The following MACROD2 variants were observed in gnomAD, a reference collection of about 807,000 sequenced individuals.
MACROD2 encodes mono-ADP ribosylhydrolase 2.
Under a neutral mutation model 70.4 loss-of-function variants are expected in MACROD2, and 36 were observed. The observed-to-expected ratio is 0.51, with a 90% confidence interval of 0.39 to 0.68. MACROD2 has a LOEUF of 0.68. MACROD2 is among the 30% of genes least tolerant of loss of function. MACROD2 has a pLI of 0.00. For synonymous variants in MACROD2, 172 were observed against 178.8 expected (o/e 0.96, Z 0.30); for missense variants, 496 against 538.4 (o/e 0.92, Z 0.78).
At chr20:15,533,815 G>A (rs1317623049) in intron 8 of MACROD2, among the ~76,000 whole-genome samples, 2 of 152,158 alleles carry the variant, frequency 1.3e-5, no homozygotes, top group African/African-American at 4.8e-5. Flanking sequence ...CTGGGAGGTA[G>A]GGTGGAGTGG....
At chr20:15,077,301 C>G (rs978377341) in intron 5 of MACROD2, among the ~76,000 whole-genome samples, 6 of 152,102 alleles carry the variant, frequency 3.9e-5, no homozygotes, top group African/African-American at 1.2e-4. Flanking sequence ...ATAATGTAAG[C>G]TGAATGTCCA....
At chr20:14,398,308 T>G (rs1015557171) in intron 3 of MACROD2, among the ~76,000 whole-genome samples, 1 of 152,160 alleles carries the variant, frequency 6.6e-6, no homozygotes, top group Non-Finnish European at 1.5e-5. Context: ...ATTTTTAGTT[T>G]TTTGAGAGAT....
intron 3 of MACROD2, among the ~76,000 whole-genome samples, chr20:14,313,766 A>C (rs1568550423): frequency 6.6e-6 from 1 of 152,222 alleles, no homozygotes; most frequent in Non-Finnish European, 1.5e-5. Context: ...TTGATAGACT[A>C]TGAAATAAGA....
At chr20:14,573,344 G>T (rs1230786424) in intron 4 of MACROD2, among the ~76,000 whole-genome samples, 2 of 152,060 alleles carry the variant, frequency 1.3e-5, no homozygotes, top group Non-Finnish European at 2.9e-5. Context: ...ATTGATTGTG[G>T]TATGCCAAGT....
At chr20:15,305,324 C>A (rs2077687173) in intron 6 of MACROD2, among the ~76,000 whole-genome samples, 1 of 151,984 alleles carries the variant, frequency 6.6e-6, no homozygotes, top group African/African-American at 2.4e-5. Flanking sequence ...CTTACACTGT[C>A]CTCTTTTTCC....
Position 14,785,162 on chromosome 20 carries a change from T to C in MACROD2, c.418+100203T>C, listed in dbSNP as rs537983636. ...TCTGTCTCTCCCTGTCAGTCTCTCA[T>C]GAACACACACAAACACACACACACC... is the stretch of plus-strand genomic sequence containing the variant. On this transcript the variant is annotated intron_variant, in intron 5 of 17. Coordinates refer to ENST00000684519, the MANE Select transcript of MACROD2 (RefSeq NM_001351661.2). Among the ~76,000 whole-genome samples the C allele has an allele frequency of 1.1e-4, 17 of 151,678 alleles. 2 individuals carry two copies. In the South Asian group the frequency reaches 1.7e-3, roughly 15 times the overall value.
intron 5 of MACROD2, among the ~76,000 whole-genome samples, chr20:14,751,232 G>A (rs983627752): frequency 4.0e-5 from 6 of 151,826 alleles, no homozygotes; most frequent in Non-Finnish European, 7.4e-5. Flanking sequence ...CATCCTTAAT[G>A]TGAAATCCCA....
chr20:15,360,027 A>T (rs79647031), intron 6 of MACROD2, among the ~76,000 whole-genome samples: 10,742 of 152,052 alleles, frequency 0.071, 443 homozygotes, highest in South Asian at 0.13. Flanking sequence ...CATCTCTAAC[A>T]CCTGACAATC....
At chr20:15,556,845 G>A (rs1481100361) in intron 8 of MACROD2, among the ~76,000 whole-genome samples, 1 of 152,204 alleles carries the variant, frequency 6.6e-6, no homozygotes, top group Non-Finnish European at 1.5e-5. Context: ...TTGCTACAGT[G>A]AACTTGAATC....
chr20:15,868,758 A>G (rs1036333366), intron 9 of MACROD2, among the ~76,000 whole-genome samples: 1 of 152,064 alleles, frequency 6.6e-6, no homozygotes, highest in African/African-American at 2.4e-5. Flanking sequence ...TGACTGAAAA[A>G]ACTACCAACT....
intron 12 of MACROD2, among the ~76,000 whole-genome samples, chr20:15,955,160 AAG>A (rs749585132): frequency 6.6e-6 from 1 of 152,114 alleles, no homozygotes; most frequent in Non-Finnish European, 1.5e-5. Context: ...AGTTGGGAAA[AAG>A]AGCATCTTTG....
chr20:15,713,536 GGAGA>G (rs34377128), intron 8 of MACROD2, among the ~76,000 whole-genome samples: 20 of 150,358 alleles, frequency 1.3e-4, no homozygotes, highest in Non-Finnish European at 2.8e-4. Context: ...CTCGATGGCA[GGAGA>G]GAGAGAGAGA....
chr20:14,009,307 C>A (rs1388774944), intron 2 of MACROD2, among the ~76,000 whole-genome samples: 1 of 152,138 alleles, frequency 6.6e-6, no homozygotes, highest in Non-Finnish European at 1.5e-5. Context: ...AGGACATGAA[C>A]AGGCACTTCT....
At chr20:15,353,347 T>C (rs961479622) in intron 6 of MACROD2, among the ~76,000 whole-genome samples, 12 of 152,158 alleles carry the variant, frequency 7.9e-5, no homozygotes, top group Non-Finnish European at 1.8e-4. Context: ...TATACAAAAA[T>C]TAATTCCAGA....
chr20:14,443,513 T>A lies in MACROD2; in HGVS notation c.272-49966T>A, dbSNP rs1260852070. Among the ~76,000 whole-genome samples the A allele has an allele frequency of 2.6e-5, 4 of 152,104 alleles. No individual in the cohort carries two copies. In the East Asian group the frequency reaches 7.7e-4, roughly 29 times the overall value. On this transcript the variant is annotated intron_variant, in intron 3 of 17. Coordinates refer to ENST00000684519, the MANE Select transcript of MACROD2 (RefSeq NM_001351661.2). ...GTTTTCACTATGTTGGTCAGGCTGG[T>A]CTTGAACTCCCTACCTCAGGTGATC...
intron 8 of MACROD2, among the ~76,000 whole-genome samples, chr20:15,797,275 G>A (rs149233693): frequency 4.4e-4 from 67 of 152,126 alleles, no homozygotes; most frequent in African/African-American, 1.2e-3. Flanking sequence ...TACCACGCCC[G>A]GCTAATTTTT....
intron 15 of MACROD2, among the ~76,000 whole-genome samples, chr20:16,040,557 A>G (rs1266135337): frequency 6.6e-6 from 1 of 152,012 alleles, no homozygotes; most frequent in South Asian, 2.1e-4. Context: ...TTTTTACAAT[A>G]TGAAACACAA....
chr20:15,336,042 G>A (rs2146199214), intron 6 of MACROD2, among the ~76,000 whole-genome samples: 2 of 151,682 alleles, frequency 1.3e-5, no homozygotes, highest in East Asian at 3.9e-4. Context: ...TTCACCAATA[G>A]GGTTGAAAAT....
chr20:14,487,377 T>C (rs2084747711), intron 3 of MACROD2, among the ~76,000 whole-genome samples: 1 of 152,192 alleles, frequency 6.6e-6, no homozygotes, highest in Admixed American at 6.5e-5. Flanking sequence ...GTAAAAGTGA[T>C]TACTCTTTAA....
Sources: allele counts gnomAD v4.1 joint callset (sites outside exome capture counted in the v4.1 genomes callset), GRCh38; gene constraint gnomAD v4.1.1; transcripts MANE v1.5; gene names NCBI Gene and HGNC (gene_info 2026-07-23, HGNC 2026-07-21).